NUP210: variants seen among roughly 807,000 people sequenced by gnomAD.
NUP210 encodes nuclear pore membrane glycoprotein 210.
Under a neutral mutation model 196.0 loss-of-function variants are expected in NUP210, and 151 were observed. The ratio of observed to expected loss-of-function variants is 0.77; its 90% confidence interval spans 0.67 to 0.88. The LOEUF (loss-of-function observed/expected upper bound fraction) is 0.88, where lower values mean the gene tolerates loss of function less well. Among genes scored for constraint, NUP210 ranks in the 40% least tolerant of loss-of-function variants. NUP210 has a pLI of 0.00. For synonymous variants in NUP210, 1,070 were observed against 1,052.7 expected (o/e 1.02, Z -0.32); for missense variants, 2,314 against 2,493.7 (o/e 0.93, Z 1.53).
rs762952679 is a variant in NUP210, at chr3:13,360,323, G to T, written c.2101C>A (p.Arg701=). The change falls in exon 15 of 40, where the codon CGG becomes AGG. Residue 701 remains arginine (R), a synonymous_variant. Coordinates refer to ENST00000254508, the MANE Select transcript of NUP210 (RefSeq NM_024923.4). Reference sequence around the variant, plus strand: ...AGGATCCAGTGTTGCTGATAATTCCGGGAGGAATGGGGGGCAAAGAGAGCC... The same window carrying T: ...AGGATCCAGTGTTGCTGATAATTCCTGGAGGAATGGGGGGCAAAGAGAGCC... ...GLALFAPHSS[R]NYQQHWILVT... is the part of the protein sequence containing the mutation. 1.2e-6 allele frequency: 2 copies of T among 1,614,216 alleles called. No homozygotes were observed. The highest frequency in any genetic ancestry group is 2.2e-5 in the South Asian group (2 of 91,076).
At chr3:13,381,094 T>A (rs1186276905) in intron 6 of NUP210, among the ~76,000 whole-genome samples, 2 of 152,222 alleles carry the variant, frequency 1.3e-5, no homozygotes, top group Non-Finnish European at 2.9e-5. Context: ...CACATCCTCA[T>A]CTCTAATCAA....
chr3:13,360,562 C>G, intron 14 of NUP210, 71 bp from the exon 15 acceptor site: 1 of 1,214,378 alleles, frequency 8.2e-7, no homozygotes, highest in South Asian at 1.4e-5. Flanking sequence ...GCATCCCAGC[C>G]CCACATCCTC....
At chr3:13,375,330 T>C (rs1435055869) in intron 11 of NUP210, among the ~76,000 whole-genome samples, 174 bp downstream of exon 11, 6 of 152,062 alleles carry the variant, frequency 3.9e-5, no homozygotes, top group Non-Finnish European at 2.9e-5. Context: ...TTGTTTTTTT[T>C]CCTAATTACC....
chr3:13,371,020 C>T (rs776142304), intron 13 of NUP210, among the ~76,000 whole-genome samples: 23 of 152,368 alleles, frequency 1.5e-4, no homozygotes, highest in Admixed American at 1.4e-3. Flanking sequence ...CTGGTACAGG[C>T]GCCCCTGCTC....
chr3:13,377,897 A>T (rs1368057661), intron 8 of NUP210, among the ~76,000 whole-genome samples: 24 of 124,336 alleles, frequency 1.9e-4, no homozygotes, highest in Middle Eastern at 0.011. Context: ...GAGGCCCCAC[A>T]CCACCCACCT....
Position 13,341,732 on chromosome 3 carries a change from G to T in NUP210, c.3228+16C>A. On this transcript the variant is annotated intron_variant, in intron 23 of 39. Coordinates refer to ENST00000254508, the MANE Select transcript of NUP210 (RefSeq NM_024923.4). ...ACTGGGCTGATCCCACATGGTGTGG[G>T]AAGAACTCGTCTTACTTCAATCTGT... 5 of 1,613,988 alleles carry T rather than the reference G, an allele frequency of 3.1e-6. No homozygotes were observed. The highest frequency in any genetic ancestry group is 4.2e-6 in the Non-Finnish European group (5 of 1,179,920).
At chr3:13,330,408 C>T (rs1696946899) in intron 30 of NUP210, 52 bp downstream of exon 30, 1 of 1,546,306 alleles carries the variant, frequency 6.5e-7, no homozygotes, top group Non-Finnish European at 8.9e-7. Flanking sequence ...AGGCATATTA[C>T]CTCAGTGCTA....
intron 14 of NUP210, among the ~76,000 whole-genome samples, 167 bp from the exon 15 acceptor site, chr3:13,360,658 A>G (rs1027815502): frequency 2.1e-4 from 32 of 152,178 alleles, no homozygotes; most frequent in Non-Finnish European, 5.9e-5. Flanking sequence ...CACAGGGATC[A>G]TTGCAAAGAT....
intron 1 of NUP210, among the ~76,000 whole-genome samples, chr3:13,400,422 C>G (rs912929698): frequency 6.6e-6 from 1 of 152,180 alleles, no homozygotes; most frequent in East Asian, 1.9e-4. Flanking sequence ...AGTGGGGAGA[C>G]AGACAGATAA....
intron 28 of NUP210, among the ~76,000 whole-genome samples, chr3:13,334,238 G>A (rs967419403): frequency 6.6e-6 from 1 of 152,236 alleles, no homozygotes; most frequent in Non-Finnish European, 1.5e-5. Flanking sequence ...GAGCTGCCAA[G>A]TGACCCAACT....
chr3:13,324,016 G>A (rs1696643788), intron 33 of NUP210, among the ~76,000 whole-genome samples: 1 of 152,164 alleles, frequency 6.6e-6, no homozygotes, highest in African/African-American at 2.4e-5. Context: ...GCCTCCAGGA[G>A]ATCTGATTTC....
intron 20 of NUP210, among the ~76,000 whole-genome samples, chr3:13,349,008 A>C (rs112614579): frequency 0.058 from 7,437 of 127,434 alleles, no homozygotes; most frequent in African/African-American, 0.17. Context: ...ACATCAAAAA[A>C]CAGCCGGAGG....
chr3:13,367,416 C>T (rs1400403429), intron 13 of NUP210, among the ~76,000 whole-genome samples: 3 of 152,190 alleles, frequency 2.0e-5, no homozygotes, highest in Admixed American at 2.0e-4. Context: ...ACGTAGGCAA[C>T]GAGGGAGCAA....
At chr3:13,368,482 A>G (rs1698616909) in intron 13 of NUP210, among the ~76,000 whole-genome samples, 1 of 152,238 alleles carries the variant, frequency 6.6e-6, no homozygotes, top group Non-Finnish European at 1.5e-5. Context: ...AGTGGCATTA[A>G]GTACATTTAT....
intron 5 of NUP210, among the ~76,000 whole-genome samples, chr3:13,387,864 G>A (rs1699327358): frequency 6.6e-6 from 1 of 152,098 alleles, no homozygotes; most frequent in Non-Finnish European, 1.5e-5. Context: ...CTACACATAG[G>A]ATCCCTGGGC....
At chr3:13,398,119 C>T (rs747419533) in intron 2 of NUP210, among the ~76,000 whole-genome samples, 7 of 152,184 alleles carry the variant, frequency 4.6e-5, no homozygotes, top group Non-Finnish European at 7.3e-5. Flanking sequence ...CACAGCAATA[C>T]GGTCCCATGT....
intron 1 of NUP210, among the ~76,000 whole-genome samples, chr3:13,414,987 C>T (rs1700298482): frequency 1.3e-5 from 2 of 152,232 alleles, no homozygotes; most frequent in South Asian, 4.1e-4. Flanking sequence ...CCTGTAATCC[C>T]AGCACTTTGG....
At chr3:13,336,995 T>G in intron 26 of NUP210, 77 bp from the exon 27 acceptor site, 1 of 1,576,944 alleles carries the variant, frequency 6.3e-7, no homozygotes, top group Non-Finnish European at 8.7e-7. Flanking sequence ...GCTGCCTCCT[T>G]CAAGCAGTGG....
rs1208416311 is a variant in NUP210 at position 13,348,461 on chromosome 3, T to C, written c.2835+3418A>G. 8 of 985,076 alleles carry C rather than the reference T, an allele frequency of 8.1e-6. No homozygotes were observed. The highest frequency in any genetic ancestry group is 9.6e-6 in the Non-Finnish European group (8 of 829,746). 61.0% of individuals were successfully genotyped at this position (985,076 alleles called of 1,614,324 possible). ...CTCGGTTTCACTGGCACTGTACACA[T>C]TTTTCCCTAACTTGGAACTCCCCTC... On this transcript the variant is annotated intron_variant, in intron 20 of 39. Coordinates refer to ENST00000254508, the MANE Select transcript of NUP210 (RefSeq NM_024923.4). The surrounding 1 kb of genome is among the most constrained non-coding windows in gnomAD (Gnocchi z 4.0).
Sources: gnomAD v4.1 joint callset for allele counts (sites outside exome capture counted in the v4.1 genomes callset) on GRCh38, gnomAD v4.1.1 for gene constraint, Gnocchi (gnomAD v3.1) non-coding constraint, MANE v1.5 for transcripts, NCBI Gene and HGNC (gene_info 2026-07-23, HGNC 2026-07-21) for gene names.